The following PTGFRN variants were observed in gnomAD, a reference collection of about 807,000 sequenced individuals.
The protein encoded by PTGFRN is prostaglandin F2 receptor inhibitor.
A neutral mutation model predicts 83.2 loss-of-function variants in PTGFRN; 35 were observed. The observed-to-expected ratio is 0.42, with a 90% CI of 0.32 to 0.56. The LOEUF (loss-of-function observed/expected upper bound fraction) is 0.56, where lower values mean the gene tolerates loss of function less well. Among genes scored for constraint, PTGFRN ranks in the 20% least tolerant of loss-of-function variants. The pLI, the probability that PTGFRN is intolerant of heterozygous loss-of-function variation, is 0.11. For missense variants in PTGFRN, 1,051 were observed against 1,179.5 expected, an observed-to-expected ratio of 0.89 and a Z score of 1.60; for synonymous variants, 519 against 498.6, an observed-to-expected ratio of 1.04 and a Z score of -0.55.
At chr1:116,963,239 T>C (rs1009827253) in intron 5 of PTGFRN, among the ~76,000 whole-genome samples, 2 of 152,244 alleles carry the variant, frequency 1.3e-5, no homozygotes, top group Non-Finnish European at 2.9e-5. Context: ...TATTCTGCAT[T>C]TCCTTAGTCT....
At chr1:116,981,358 C>T (rs1052701719) in intron 7 of PTGFRN, among the ~76,000 whole-genome samples, 1 of 152,084 alleles carries the variant, frequency 6.6e-6, no homozygotes, top group Non-Finnish European at 1.5e-5. Flanking sequence ...CCATGGCTGC[C>T]GGCAGAAATC....
At chr1:116,936,376 G>T (rs1570652824) in intron 1 of PTGFRN, among the ~76,000 whole-genome samples, 2 of 152,192 alleles carry the variant, frequency 1.3e-5, no homozygotes, top group Admixed American at 1.3e-4. Flanking sequence ...CAGTGCTCAG[G>T]TTTATATCTT....
chr1:116,928,009 C>T (rs1164862472), intron 1 of PTGFRN, among the ~76,000 whole-genome samples: 1 of 152,154 alleles, frequency 6.6e-6, no homozygotes, highest in African/African-American at 2.4e-5. Context: ...AACATTAGAG[C>T]CAGAACTGCC....
At chr1:116,959,304 C>G (rs1168503537) in intron 4 of PTGFRN, among the ~76,000 whole-genome samples, 1 of 152,184 alleles carries the variant, frequency 6.6e-6, no homozygotes, top group Non-Finnish European at 1.5e-5. Flanking sequence ...CTAGCCCTGG[C>G]AGTCCCACAG....
chr1:116,916,112 T>G (rs547612039), intron 1 of PTGFRN, among the ~76,000 whole-genome samples: 1 of 152,308 alleles, frequency 6.6e-6, no homozygotes, highest in East Asian at 1.9e-4. Context: ...GAAGGCTGAT[T>G]TCTCCACAAT....
intron 2 of PTGFRN, among the ~76,000 whole-genome samples, chr1:116,943,334 A>G (rs915123484): frequency 1.3e-5 from 2 of 152,238 alleles, no homozygotes; most frequent in Admixed American, 1.3e-4. Context: ...GCCACATGCC[A>G]CTTTTTCATT....
In PTGFRN at chr1:116,918,813, C is replaced by G. The variant is rs994735306; in HGVS notation, c.49+8561C>G. Among the ~76,000 whole-genome samples the G allele has an allele frequency of 1.3e-5, 2 of 152,150 alleles. No individual in the cohort carries two copies. The highest frequency in any genetic ancestry group is 6.5e-5 in the Admixed American group (1 of 15,274). ...TAGGAGGGACAGCATCATGTGGTCTCTCCATGGAATGAGAGTGGAAGGATG... is the reference window on the plus strand; with the variant it reads ...TAGGAGGGACAGCATCATGTGGTCTGTCCATGGAATGAGAGTGGAAGGATG... On this transcript the variant is annotated intron_variant, in intron 1 of 8. Coordinates refer to ENST00000393203, the MANE Select transcript of PTGFRN (RefSeq NM_020440.4). This position sits in a 1 kb window ranked among gnomAD's most constrained non-coding sequence, Gnocchi z 4.1.
chr1:116,911,211 T>C (rs1649265477), intron 1 of PTGFRN, among the ~76,000 whole-genome samples: 2 of 152,216 alleles, frequency 1.3e-5, no homozygotes, highest in African/African-American at 4.8e-5. Context: ...ATCCTTGTTG[T>C]CAGTGTCAAC....
chr1:116,987,228 C>T lies in PTGFRN; in HGVS notation c.*261C>T. 1 of 408,286 alleles carries T rather than the reference C, an allele frequency of 2.4e-6. No individual in the cohort carries two copies. Among genetic ancestry groups the T allele is most frequent in the African/African-American group, 2.0e-5 (1 of 49,484 alleles). The allele number at this position is 408,286 out of a possible 1,614,324, so 25.3% of individuals were successfully genotyped here. Reference sequence around the variant, plus strand: ...CAACTGCAGCTTTTTAATGGTTAACCTTCATCTAATTTTTTTTCTCCCACT... The same window carrying T: ...CAACTGCAGCTTTTTAATGGTTAACTTTCATCTAATTTTTTTTCTCCCACT... On this transcript the variant is annotated 3_prime_UTR_variant, in exon 9 of 9. Coordinates refer to ENST00000393203, the MANE Select transcript of PTGFRN (RefSeq NM_020440.4).
At chr1:116,920,719 G>C (rs1322426951) in intron 1 of PTGFRN, among the ~76,000 whole-genome samples, 1 of 152,154 alleles carries the variant, frequency 6.6e-6, no homozygotes, top group East Asian at 1.9e-4. Context: ...TGCCTCCCGG[G>C]TTCAAGCAAT....
intron 1 of PTGFRN, among the ~76,000 whole-genome samples, chr1:116,924,709 A>G (rs1649613286): frequency 1.3e-5 from 2 of 152,192 alleles, no homozygotes; most frequent in East Asian, 3.8e-4. Flanking sequence ...GCTATTTTTG[A>G]AAATTCACTG....
chr1:116,965,158 C>T (rs950123105), intron 5 of PTGFRN, among the ~76,000 whole-genome samples: 2 of 152,248 alleles, frequency 1.3e-5, no homozygotes, highest in Admixed American at 6.5e-5. Flanking sequence ...TCCTCAAATA[C>T]ACCAAGTGTG....
rs1337456017 is a variant in PTGFRN at position 116,987,013 on chromosome 1, G to C, written c.*46G>C. The C allele has an allele frequency of 1.1e-5, 17 of 1,606,472 alleles. No individual in the cohort carries two copies. The highest frequency in any genetic ancestry group is 1.4e-5 in the Non-Finnish European group (16 of 1,174,862). On this transcript the variant is annotated 3_prime_UTR_variant, in exon 9 of 9. Coordinates refer to ENST00000393203, the MANE Select transcript of PTGFRN (RefSeq NM_020440.4). ...ACAGAGGGACGTTCTAGGAGCAATT[G>C]GGGCAAGAAGAGGACAGTGATATTT...
intron 7 of PTGFRN, among the ~76,000 whole-genome samples, chr1:116,977,243 A>C (rs553605549): frequency 3.0e-4 from 45 of 152,160 alleles, no homozygotes; most frequent in Non-Finnish European, 5.6e-4. Context: ...GAGACCTACA[A>C]ACAGACTAAG....
intron 5 of PTGFRN, among the ~76,000 whole-genome samples, chr1:116,964,067 A>G (rs978505958): frequency 7.3e-6 from 1 of 136,936 alleles, no homozygotes; most frequent in Non-Finnish European, 1.6e-5. Context: ...GGCATGAGCC[A>G]CCGTGCCGGG....
At chr1:116,934,387 T>C (rs902159833) in intron 1 of PTGFRN, among the ~76,000 whole-genome samples, 9 of 152,296 alleles carry the variant, frequency 5.9e-5, no homozygotes, top group African/African-American at 1.9e-4. Context: ...GCTCAAGCAG[T>C]CCTCCTGTCT....
chr1:116,979,225 A>G (rs1651241404), intron 7 of PTGFRN, among the ~76,000 whole-genome samples: 1 of 152,234 alleles, frequency 6.6e-6, no homozygotes. Context: ...AAAACAGGAC[A>G]GAAACAAATG....
At chr1:116,911,912 G>C (rs1259488357) in intron 1 of PTGFRN, among the ~76,000 whole-genome samples, 2 of 152,194 alleles carry the variant, frequency 1.3e-5, no homozygotes. Context: ...TTATGTGTCT[G>C]GGTCAAGCAG....
intron 1 of PTGFRN, among the ~76,000 whole-genome samples, chr1:116,917,191 G>A (rs534983809): frequency 6.6e-6 from 1 of 152,168 alleles, no homozygotes; most frequent in African/African-American, 2.4e-5. Context: ...CTTGAGAAGT[G>A]GGTGGGGTGG....
Sources: gnomAD v4.1 joint callset for allele counts (sites outside exome capture counted in the v4.1 genomes callset) on GRCh38, gnomAD v4.1.1 for gene constraint, Gnocchi (gnomAD v3.1) non-coding constraint, MANE v1.5 for transcripts, NCBI Gene and HGNC (gene_info 2026-07-23, HGNC 2026-07-21) for gene names.